Variants in MYO3A observed in about 807,000 individuals in gnomAD.
MYO3A encodes myosin IIIA.
MYO3A carries 180 observed loss-of-function variants against 192.7 expected under a neutral mutation model. The observed-to-expected ratio is 0.93, with a 90% CI of 0.83 to 1.06. The LOEUF is 1.06. Among genes scored for constraint, MYO3A ranks in the 50% least tolerant of loss-of-function variants. The pLI, the probability that MYO3A is intolerant of heterozygous loss-of-function variation, is 0.00. For missense variants in MYO3A, 1,896 were observed against 1,905.0 expected, an observed-to-expected ratio of 1.00 and a Z score of 0.09; for synonymous variants, 628 against 645.3, an observed-to-expected ratio of 0.97 and a Z score of 0.41.
chr10:26,171,138 G>A (rs927605086), intron 29 of MYO3A, among the ~76,000 whole-genome samples: 3 of 152,130 alleles, frequency 2.0e-5, no homozygotes, highest in Admixed American at 6.6e-5. Context: ...TAGGCAAAGG[G>A]TACACTGGGG....
chr10:26,001,527 T>G (rs1226683180), intron 6 of MYO3A, among the ~76,000 whole-genome samples: 1 of 152,170 alleles, frequency 6.6e-6, no homozygotes, highest in Non-Finnish European at 1.5e-5. Context: ...GGAAGTGCTC[T>G]CTGCATGAGA....
Position 26,174,371 on chromosome 10 carries a change from C to T in MYO3A, c.4107C>T (p.Asp1369=), listed in dbSNP as rs754689809. The T allele has an allele frequency of 6.2e-7, 1 of 1,614,142 alleles. No homozygotes were observed. Among genetic ancestry groups the T allele is most frequent in the South Asian group, 1.1e-5 (1 of 91,078 alleles). The change falls in exon 30 of 35, where the codon GAC becomes GAT. Residue 1369 remains aspartate, a synonymous_variant. Transcript: ENST00000642920. Reference sequence around the variant, plus strand: ...AGAGAAGGCAGCAGTTGAGGAAGGACAAGATGTCTTCTTTTAAGCATCAGA... The same window carrying T: ...AGAGAAGGCAGCAGTTGAGGAAGGATAAGATGTCTTCTTTTAAGCATCAGA... ...GYKRRQQLRK[D]KMSSFKHQRI...
intron 2 of MYO3A, among the ~76,000 whole-genome samples, 190 bp downstream of exon 2, chr10:25,936,020 G>A (rs1230438046): frequency 2.0e-5 from 3 of 152,090 alleles, no homozygotes; most frequent in Non-Finnish European, 4.4e-5. Flanking sequence ...TGAATATATT[G>A]ATGAGATGTC....
intron 8 of MYO3A, chr10:26,023,098 C>T (rs1399147089): frequency 6.6e-6 from 1 of 152,326 alleles, no homozygotes; most frequent in South Asian, 2.1e-4. Flanking sequence ...AGAATTACTT[C>T]TTTTAATGTG....
intron 10 of MYO3A, among the ~76,000 whole-genome samples, chr10:26,055,178 G>T (rs972207142): frequency 2.0e-5 from 3 of 152,036 alleles, no homozygotes; most frequent in Admixed American, 6.6e-5. Context: ...TCTGGCCAAG[G>T]GTAGTGAAAG....
chr10:26,088,049 G>A (rs1185700198), intron 14 of MYO3A, among the ~76,000 whole-genome samples, 154 bp from the exon 15 acceptor site: 3 of 152,118 alleles, frequency 2.0e-5, no homozygotes, highest in African/African-American at 7.2e-5. Context: ...ATGGGAGGGG[G>A]AAAATAGACC....
chr10:26,106,180 A>G (rs1291685385), intron 17 of MYO3A, among the ~76,000 whole-genome samples: 2 of 152,054 alleles, frequency 1.3e-5, no homozygotes, highest in Non-Finnish European at 2.9e-5. Flanking sequence ...TTTTAATTAG[A>G]ATTATATTGA....
chr10:26,200,275 C>T (rs1454178888), intron 32 of MYO3A, among the ~76,000 whole-genome samples: 3 of 152,140 alleles, frequency 2.0e-5, no homozygotes, highest in Admixed American at 6.6e-5. Context: ...CTGAAAAAAA[C>T]GTGACTTACT....
chr10:25,948,696 A>G (rs1275208617), intron 2 of MYO3A, among the ~76,000 whole-genome samples: 1 of 152,156 alleles, frequency 6.6e-6, no homozygotes, highest in South Asian at 2.1e-4. Context: ...AAGAATAAAC[A>G]GCTTTGTATG....
chr10:25,975,162 T>C (rs1490673074), intron 4 of MYO3A, among the ~76,000 whole-genome samples: 6 of 152,130 alleles, frequency 3.9e-5, no homozygotes, highest in Admixed American at 1.3e-4. Flanking sequence ...GTGTTTGCTT[T>C]GGGATGGAGA....
intron 4 of MYO3A, among the ~76,000 whole-genome samples, chr10:25,969,037 A>G (rs898229895): frequency 2.6e-5 from 4 of 152,222 alleles, no homozygotes; most frequent in African/African-American, 7.2e-5. Context: ...CAGGAGATCA[A>G]GACCATCCTG....
chr10:26,096,557 AT>A lies in MYO3A; in HGVS notation c.1662-3del, dbSNP rs756926993. 4.8e-5 allele frequency: 77 copies of A among 1,589,704 alleles called. No individual in the cohort carries two copies. The highest frequency in any genetic ancestry group is 1.1e-4 in the East Asian group (5 of 44,626). On this transcript the variant is annotated splice_polypyrimidine_tract_variant and intron_variant, in intron 16 of 34. Coordinates refer to ENST00000642920, the MANE Select transcript of MYO3A (RefSeq NM_017433.5). ...TTTAGACTTTTATCCTTCCTTTTAT[AT>A]TTTTTTTAGGTACCTACAAAATGAC...
intron 2 of MYO3A, among the ~76,000 whole-genome samples, chr10:25,939,273 C>T (rs780857915): frequency 1.7e-4 from 26 of 151,852 alleles, no homozygotes; most frequent in Non-Finnish European, 3.2e-4. Flanking sequence ...TCAATCTTGA[C>T]AAGGATCTCC....
Position 26,211,847 on chromosome 10 carries a change from T to C in MYO3A, c.4735T>C (p.Trp1579Arg). ...NQCIKANERC[W>R]AAESPEKEEE... is the part of the protein sequence containing the mutation. ...GGCCCTGGGTTTCACTTGCAGGTGC[T>C]GGGCGGCGGAGAGCCCCGAGAAGGA... Residue 1579 changes from tryptophan (W) to arginine (R), a missense_variant, in exon 35 of 35, where the codon TGG becomes CGG. By Grantham distance (101) the Trp-to-Arg change is moderately radical (BLOSUM62 -3). Coordinates refer to ENST00000642920, the MANE Select transcript of MYO3A (RefSeq NM_017433.5). The C allele has an allele frequency of 3.7e-6, 6 of 1,614,004 alleles. No individual in the cohort carries two copies. The highest frequency in any genetic ancestry group is 5.1e-6 in the Non-Finnish European group (6 of 1,180,002).
Position 25,952,257 on chromosome 10 carries a change from C to A in MYO3A, c.147C>A (p.Val49=). 1.2e-6 allele frequency: 2 copies of A among 1,612,420 alleles called. No individual in the cohort carries two copies. Among genetic ancestry groups the A allele is most frequent in the South Asian group, 2.2e-5 (2 of 90,974 alleles). ...AGAAAAATGGCCAAAAAGCAGCAGT[C>A]AAAATTCTTGATCCAATTCACGTAA... ...LNKKNGQKAA[V]KILDPIHDID... Residue 49 remains valine (V), a synonymous_variant, in exon 3 of 35, where the codon GTC becomes GTA. Transcript: ENST00000642920.
intron 10 of MYO3A, among the ~76,000 whole-genome samples, chr10:26,060,227 A>G (rs796912000): frequency 4.1e-4 from 62 of 151,948 alleles, no homozygotes; most frequent in African/African-American, 1.2e-3. Flanking sequence ...CCATTGCACT[A>G]CAGCCTGGGC....
chr10:26,132,589 T>G (rs1015324210), intron 20 of MYO3A, among the ~76,000 whole-genome samples: 4 of 152,228 alleles, frequency 2.6e-5, no homozygotes. Flanking sequence ...CTCCACTTAT[T>G]TATGTGTGCC....
At chr10:25,980,460 A>C (rs1175950403) in intron 4 of MYO3A, among the ~76,000 whole-genome samples, 3 of 152,216 alleles carry the variant, frequency 2.0e-5, no homozygotes, top group African/African-American at 7.2e-5. Flanking sequence ...TTAAAGGAAT[A>C]AATTATGATT....
At chr10:26,038,982 A>G (rs1466418223) in intron 10 of MYO3A, among the ~76,000 whole-genome samples, 1 of 152,112 alleles carries the variant, frequency 6.6e-6, no homozygotes, top group Non-Finnish European at 1.5e-5. Flanking sequence ...CCATCTTTAC[A>G]TCCCTGGGAT....
Sources: allele counts gnomAD v4.1 joint callset (sites outside exome capture counted in the v4.1 genomes callset), GRCh38; gene constraint gnomAD v4.1.1; transcripts MANE v1.5; gene names NCBI Gene and HGNC (gene_info 2026-07-23, HGNC 2026-07-21).